The following CYP4X1 variants were observed in gnomAD, a reference collection of about 807,000 sequenced individuals.
CYP4X1 encodes cytochrome P450 family 4 subfamily X member 1.
Under a neutral mutation model 57.9 loss-of-function variants are expected in CYP4X1, and 44 were observed. That is an observed-to-expected ratio of 0.76 (90% CI 0.60 to 0.98). The LOEUF (loss-of-function observed/expected upper bound fraction) is 0.98, where lower values mean the gene tolerates loss of function less well. CYP4X1 is among the 50% of genes least tolerant of loss of function. The pLI, the probability that CYP4X1 is intolerant of heterozygous loss-of-function variation, is 0.00. For synonymous variants in CYP4X1, 227 were observed against 228.6 expected, an observed-to-expected ratio of 0.99 and a Z score of 0.06; for missense variants, 532 against 623.9, an observed-to-expected ratio of 0.85 and a Z score of 1.57.
At chr1:46,969,089 C>T in the CYP4X1 span, among the ~76,000 whole-genome samples, 1 of 152,094 alleles carries the variant, frequency 6.6e-6, no homozygotes, top group African/African-American at 2.4e-5. Context: ...GCAGATCCCT[C>T]ATTATGGTTT....
chr1:47,004,092 G>A, the CYP4X1 span, among the ~76,000 whole-genome samples: 14 of 152,306 alleles, frequency 9.2e-5, no homozygotes, highest in East Asian at 2.3e-3. Context: ...AAATGTCTTT[G>A]TAACTTTATC....
intron 6 of CYP4X1, among the ~76,000 whole-genome samples, 199 bp downstream of exon 6, chr1:47,036,370 T>TTATATATATATCTATA: frequency 7.7e-6 from 1 of 129,838 alleles, no homozygotes; most frequent in East Asian, 3.6e-4. Flanking sequence ...ATCAGAATTT[T>TTATATATATATCTATA]TATATATATA....
chr1:47,043,541 G>T (rs1644270312), intron 8 of CYP4X1, among the ~76,000 whole-genome samples: 1 of 151,994 alleles, frequency 6.6e-6, no homozygotes, highest in African/African-American at 2.4e-5. Context: ...CTGCTTTTGG[G>T]TTCTTGGTCA....
At chr1:47,046,163 T>C (rs957437009) in intron 8 of CYP4X1, among the ~76,000 whole-genome samples, 5 of 152,204 alleles carry the variant, frequency 3.3e-5, no homozygotes, top group Non-Finnish European at 7.3e-5. Flanking sequence ...TTTTATGTAT[T>C]ATTACTTTAT....
At chr1:46,967,414 G>C in the CYP4X1 span, among the ~76,000 whole-genome samples, 1 of 152,144 alleles carries the variant, frequency 6.6e-6, no homozygotes, top group Non-Finnish European at 1.5e-5. Flanking sequence ...AAAGAAATGG[G>C]GGCAGACAGG....
At chr1:46,997,493 G>A in the CYP4X1 span, among the ~76,000 whole-genome samples, 2 of 152,132 alleles carry the variant, frequency 1.3e-5, no homozygotes, top group Non-Finnish European at 2.9e-5. Flanking sequence ...TTTTCTGTCT[G>A]GGGAATTATT....
intron 4 of CYP4X1, among the ~76,000 whole-genome samples, chr1:47,034,295 G>C (rs756925205): frequency 6.6e-6 from 1 of 152,126 alleles, no homozygotes; most frequent in African/African-American, 2.4e-5. Flanking sequence ...CTTGTAGATA[G>C]TGGAGGATCA....
the CYP4X1 span, among the ~76,000 whole-genome samples, chr1:46,978,822 C>G: frequency 6.6e-6 from 1 of 152,190 alleles, no homozygotes; most frequent in Non-Finnish European, 1.5e-5. Context: ...TTAAGAAACT[C>G]ACTCAAAACT....
chr1:47,049,650 A>C, intron 11 of CYP4X1, 146 bp downstream of exon 11: 1 of 770,376 alleles, frequency 1.3e-6, no homozygotes, highest in Non-Finnish European at 2.1e-6. Context: ...AGTTAGTTTT[A>C]CAAAGGACAA....
At chr1:46,973,280 C>T in the CYP4X1 span, among the ~76,000 whole-genome samples, 1 of 152,134 alleles carries the variant, frequency 6.6e-6, no homozygotes, top group African/African-American at 2.4e-5. Context: ...CCAAAGCCTA[C>T]TCGATAGTGA....
the CYP4X1 span, chr1:46,967,596 C>T: frequency 3.1e-3 from 950 of 302,990 alleles, 13 homozygotes; most frequent in African/African-American, 0.02. Flanking sequence ...GCAGGTGGGC[C>T]GATAGAAAGC....
the CYP4X1 span, among the ~76,000 whole-genome samples, chr1:46,970,515 A>G: frequency 6.6e-6 from 1 of 152,194 alleles, no homozygotes; most frequent in South Asian, 2.1e-4. Context: ...CCTTGATCCT[A>G]TTGAGAATGT....
chr1:47,038,621 GC>G, intron 6 of CYP4X1, 38 bp from the exon 7 acceptor site: 1 of 1,497,790 alleles, frequency 6.7e-7, no homozygotes, highest in Non-Finnish European at 9.1e-7. Flanking sequence ...ATTTGACTTT[GC>G]CATCACTTTG....
chr1:47,049,324 G>A, intron 10 of CYP4X1, 98 bp from the exon 11 acceptor site: 1 of 858,650 alleles, frequency 1.2e-6, no homozygotes, highest in Admixed American at 1.9e-5. Flanking sequence ...TACACATGTA[G>A]ATCACATTAT....
the CYP4X1 span, among the ~76,000 whole-genome samples, chr1:46,989,706 T>C: frequency 1.3e-5 from 2 of 152,150 alleles, no homozygotes; most frequent in African/African-American, 2.4e-5. Flanking sequence ...AACAGATATA[T>C]AGACCAATGG....
At chr1:47,006,899 C>T in the CYP4X1 span, among the ~76,000 whole-genome samples, 5 of 152,164 alleles carry the variant, frequency 3.3e-5, no homozygotes, top group South Asian at 2.1e-4. Context: ...CCAAAACTGC[C>T]GAGGCTTGAG....
intron 4 of CYP4X1, among the ~76,000 whole-genome samples, chr1:47,033,765 A>C (rs977068106): frequency 6.6e-6 from 1 of 152,204 alleles, no homozygotes; most frequent in Non-Finnish European, 1.5e-5. Flanking sequence ...GAGGCTTTCA[A>C]ACAAAAACCA....
At chr1:47,015,409 C>T in the CYP4X1 span, among the ~76,000 whole-genome samples, 738 of 152,266 alleles carry the variant, frequency 4.8e-3, no homozygotes, top group African/African-American at 0.016. Flanking sequence ...GCAGCTGCTC[C>T]GAATCCCTGC....
downstream of CYP4X1, among the ~76,000 whole-genome samples, chr1:47,053,382 G>A (rs1266929137): frequency 2.0e-5 from 3 of 152,138 alleles, no homozygotes; most frequent in African/African-American, 7.2e-5. Flanking sequence ...AAACATACGT[G>A]TGCATGTGTC....
Sources: gnomAD v4.1 joint callset for allele counts (sites outside exome capture counted in the v4.1 genomes callset) on GRCh38, gnomAD v4.1.1 for gene constraint, MANE v1.5 for transcripts, NCBI Gene and HGNC (gene_info 2026-07-23, HGNC 2026-07-21) for gene names.